NDRG1: variants seen among roughly 807,000 people sequenced by gnomAD.
The protein encoded by NDRG1 is N-myc downstream regulated 1.
NDRG1 carries 32 observed loss-of-function variants against 56.9 expected under a neutral mutation model. The ratio of observed to expected loss-of-function variants is 0.56; its 90% confidence interval spans 0.42 to 0.76. NDRG1 has a LOEUF of 0.76. Among genes scored for constraint, NDRG1 ranks in the 30% least tolerant of loss-of-function variants. NDRG1 has a pLI of 0.00. For missense variants in NDRG1, 507 were observed against 545.7 expected (o/e 0.93, Z 0.71); for synonymous variants, 211 against 204.1 (o/e 1.03, Z -0.29).
intron 1 of NDRG1, among the ~76,000 whole-genome samples, chr8:133,288,890 A>G (rs1460342972): frequency 1.3e-5 from 2 of 152,288 alleles, no homozygotes; most frequent in East Asian, 3.9e-4. Context: ...GCTCCAGGTC[A>G]CAGCACCAGC....
intron 8 of NDRG1, 26 bp downstream of exon 8, chr8:133,256,751 G>A (rs767795744): frequency 1.7e-5 from 27 of 1,610,946 alleles, no homozygotes; most frequent in Admixed American, 5.0e-5. Flanking sequence ...CAGGGATCCC[G>A]CCGGCCTGAC....
At chr8:133,293,826 A>T (rs1374120937) in intron 1 of NDRG1, among the ~76,000 whole-genome samples, 2 of 152,180 alleles carry the variant, frequency 1.3e-5, no homozygotes, top group African/African-American at 4.8e-5. Context: ...ATTTCAGACA[A>T]GATTTTCATG....
chr8:133,288,108 C>T lies in NDRG1; in HGVS notation c.-18-3779G>A, dbSNP rs538324104. The stretch of plus-strand genomic sequence containing the variant: ...ACTCATTCTCACATACTCACACTTT[C>T]TTACACACTGATACATTCTCACTTT... On this transcript the variant is annotated intron_variant, in intron 1 of 15. Coordinates refer to ENST00000323851, the MANE Select transcript of NDRG1 (RefSeq NM_006096.4). Among the ~76,000 whole-genome samples, 4 of 152,320 alleles carry T rather than the reference C, an allele frequency of 2.6e-5. No individual in the cohort carries two copies. The East Asian group carries it at 7.7e-4, about 29-fold the overall frequency.
intron 14 of NDRG1, among the ~76,000 whole-genome samples, chr8:133,243,821 ATTCT>A (rs1406433587): frequency 2.0e-5 from 3 of 152,360 alleles, no homozygotes; most frequent in African/African-American, 4.8e-5. Flanking sequence ...GGTTGGTGAG[ATTCT>A]TTATAGGAGG....
chr8:133,256,687 C>A, intron 8 of NDRG1, 90 bp downstream of exon 8: 1 of 1,265,104 alleles, frequency 7.9e-7, no homozygotes, highest in Non-Finnish European at 1.1e-6. Context: ...AGAGAGAGCT[C>A]GTAGCTCCAG....
intron 3 of NDRG1, among the ~76,000 whole-genome samples, chr8:133,271,189 C>T (rs770685330): frequency 4.6e-5 from 7 of 152,168 alleles, no homozygotes; most frequent in East Asian, 1.9e-4. Flanking sequence ...AGAGGATCAC[C>T]GCATACCCAG....
intron 8 of NDRG1, 114 bp downstream of exon 8, chr8:133,256,663 G>T: frequency 1.1e-6 from 1 of 951,704 alleles, no homozygotes; most frequent in Non-Finnish European, 1.6e-6. Context: ...AGAGGGTAGT[G>T]GAGGAGTGGG....
intron 8 of NDRG1, chr8:133,255,145 C>T: frequency 2.7e-6 from 1 of 368,738 alleles, no homozygotes; most frequent in Non-Finnish European, 5.3e-6. Flanking sequence ...AGCAGAAGCT[C>T]CATAAATGTG....
At chr8:133,265,076 A>AC (rs1409899698) in intron 3 of NDRG1, 2 of 250,242 alleles carry the variant, frequency 8.0e-6, no homozygotes, top group Admixed American at 9.4e-5. Flanking sequence ...TTCACTCCCC[A>AC]CTTCCAAGAA....
chr8:133,274,539 C>T (rs1165772359), intron 3 of NDRG1, among the ~76,000 whole-genome samples: 1 of 152,212 alleles, frequency 6.6e-6, no homozygotes, highest in African/African-American at 2.4e-5. Context: ...CCTATTTTAA[C>T]AAGCAGGTAA....
At chr8:133,240,588 G>C (rs372062770) in intron 15 of NDRG1, 1 of 152,230 alleles carries the variant, frequency 6.6e-6, no homozygotes, top group African/African-American at 2.4e-5. Context: ...CCAGCACCCC[G>C]TGGTGTGCAG....
rs1857307555 is a variant in NDRG1, at chr8:133,273,662, ATCTCT to A, written c.99+6565_99+6569del. Among the ~76,000 whole-genome samples the A allele has an allele frequency of 5.3e-5, 8 of 152,330 alleles. No individual in the cohort carries two copies. In the South Asian group the frequency reaches 1.7e-3, roughly 32 times the overall value. The stretch of plus-strand genomic sequence containing the variant: ...AGCAGATGGATCTAAGTCTAGGACT[ATCTCT>A]ACAGTACCCTTTGGCAAGTTCCCTA... On this transcript the variant is annotated intron_variant, in intron 3 of 15. Transcript: ENST00000323851.
intron 11 of NDRG1, among the ~76,000 whole-genome samples, chr8:133,248,236 G>T (rs923599224): frequency 3.3e-5 from 5 of 152,166 alleles, no homozygotes; most frequent in African/African-American, 1.2e-4. Context: ...CAGCATGAAG[G>T]ACAAAGGCAA....
At chr8:133,244,887 A>C (rs1033870278) in intron 13 of NDRG1, among the ~76,000 whole-genome samples, 1 of 152,228 alleles carries the variant, frequency 6.6e-6, no homozygotes, top group Non-Finnish European at 1.5e-5. Context: ...GTGGACGTTC[A>C]AAGTCCCTGT....
intron 1 of NDRG1, among the ~76,000 whole-genome samples, chr8:133,286,879 G>A (rs1858147470): frequency 6.6e-6 from 1 of 152,182 alleles, no homozygotes; most frequent in African/African-American, 2.4e-5. Context: ...GGGGCTGCAG[G>A]CCTCGGGGTA....
intron 13 of NDRG1, among the ~76,000 whole-genome samples, chr8:133,245,590 A>G (rs919231563): frequency 6.6e-6 from 1 of 152,296 alleles, no homozygotes; most frequent in Non-Finnish European, 1.5e-5. Context: ...AAGTGTGGCC[A>G]GCAGCCACCA....
chr8:133,263,947 G>GA (rs1856782454), intron 4 of NDRG1, among the ~76,000 whole-genome samples: 1 of 146,826 alleles, frequency 6.8e-6, no homozygotes, highest in Non-Finnish European at 1.5e-5. Context: ...GAAAGAAAAA[G>GA]AAAAAAGAAC....
At chr8:133,255,555 C>A (rs538994321) in intron 8 of NDRG1, 1 of 324,650 alleles carries the variant, frequency 3.1e-6, no homozygotes. Flanking sequence ...TGAAGCCCAG[C>A]GGGTTGACTG....
At chr8:133,266,524 G>C (rs1456773883) in intron 3 of NDRG1, among the ~76,000 whole-genome samples, 1 of 152,152 alleles carries the variant, frequency 6.6e-6, no homozygotes, top group Non-Finnish European at 1.5e-5. Flanking sequence ...AACAGGAACA[G>C]CCTGGCCCTT....
Sources: gnomAD v4.1 joint callset for allele counts (sites outside exome capture counted in the v4.1 genomes callset) on GRCh38, gnomAD v4.1.1 for gene constraint, MANE v1.5 for transcripts, NCBI Gene and HGNC (gene_info 2026-07-23, HGNC 2026-07-21) for gene names.